ADAMTSL3: variants seen among roughly 807,000 people sequenced by gnomAD.
ADAMTSL3 encodes ADAMTS like 3.
ADAMTSL3 carries 128 observed loss-of-function variants against 201.7 expected under a neutral mutation model. That is an observed-to-expected ratio of 0.63 (90% CI 0.55 to 0.73). The LOEUF is 0.73. Ranked by LOEUF, ADAMTSL3 falls within the 30% of genes least tolerant of loss-of-function variation. ADAMTSL3 has a pLI of 0.00. For missense variants in ADAMTSL3, 1,990 were observed against 2,119.6 expected (o/e 0.94, Z 1.20); for synonymous variants, 738 against 748.4 (o/e 0.99, Z 0.23).
chr15:83,767,198 G>T (rs1054800116), intron 3 of ADAMTSL3, among the ~76,000 whole-genome samples: 1 of 152,200 alleles, frequency 6.6e-6, no homozygotes. Flanking sequence ...TATCTTAAAG[G>T]GCTTGCTGAG....
At chr15:83,823,916 CTT>C (rs1567169458) in intron 6 of ADAMTSL3, among the ~76,000 whole-genome samples, 1 of 88,000 alleles carries the variant, frequency 1.1e-5, no homozygotes, top group African/African-American at 3.8e-5. Context: ...TCTTCTTCTT[CTT>C]CTTCTTCTTC....
intron 26 of ADAMTSL3, among the ~76,000 whole-genome samples, chr15:84,023,757 C>T (rs1010220599): frequency 6.6e-6 from 1 of 152,170 alleles, no homozygotes; most frequent in African/African-American, 2.4e-5. Context: ...ACTTTCATAC[C>T]TAGAAGAGAC....
intron 16 of ADAMTSL3, among the ~76,000 whole-genome samples, chr15:83,921,506 A>G (rs576275380): frequency 1.3e-5 from 2 of 152,252 alleles, no homozygotes; most frequent in African/African-American, 4.8e-5. Context: ...TTCTTACACT[A>G]TGTGTGTATG....
At chr15:83,894,891 CACTT>C (rs1170778168) in intron 13 of ADAMTSL3, among the ~76,000 whole-genome samples, 1 of 152,036 alleles carries the variant, frequency 6.6e-6, no homozygotes, top group African/African-American at 2.4e-5. Context: ...TTTGAATACA[CACTT>C]AGTTCATCGT....
At position 83,870,844 on chromosome 15, in the gene ADAMTSL3, G is replaced by A. The variant is rs866308860; in HGVS notation, c.845G>A (p.Ser282Asn). ...KTLQGSKGEH[S>N]FNSPGVFLVE... ...CTTCAAGGAAGCAAAGGAGAACACA[G>A]CTTTAACAGCCCCGGCGTCTTTCTC... is the stretch of plus-strand genomic sequence containing the variant. Residue 282 changes from serine to asparagine, a missense_variant, in exon 9 of 30, where the codon AGC (serine) becomes AAC (asparagine). Transcript: ENST00000286744. The A allele has an allele frequency of 5.0e-6, 8 of 1,612,302 alleles. No homozygotes were observed. Among genetic ancestry groups the A allele is most frequent in the Non-Finnish European group, 6.8e-6 (8 of 1,179,448 alleles).
At chr15:83,700,282 G>A (rs2061753410) in intron 2 of ADAMTSL3, among the ~76,000 whole-genome samples, 1 of 152,218 alleles carries the variant, frequency 6.6e-6, no homozygotes, top group Non-Finnish European at 1.5e-5. Flanking sequence ...GCCTGCGTCT[G>A]TTCCTCAAAC....
chr15:83,786,922 C>T (rs890918458), intron 4 of ADAMTSL3, among the ~76,000 whole-genome samples: 2 of 152,108 alleles, frequency 1.3e-5, no homozygotes, highest in Non-Finnish European at 2.9e-5. Flanking sequence ...GGGATAATGA[C>T]TTCATCATTC....
At chr15:83,988,373 T>C (rs1349789445) in intron 21 of ADAMTSL3, among the ~76,000 whole-genome samples, 2 of 152,228 alleles carry the variant, frequency 1.3e-5, no homozygotes, top group Non-Finnish European at 2.9e-5. Context: ...TGCTAGGTTG[T>C]CTTTTTTTAA....
At chr15:83,913,536 C>A (rs2065973515) in intron 16 of ADAMTSL3, among the ~76,000 whole-genome samples, 158 bp downstream of exon 16, 1 of 147,574 alleles carries the variant, frequency 6.8e-6, no homozygotes, top group African/African-American at 2.5e-5. Context: ...CTTTTTCTTT[C>A]TTTTTTTTTT....
At chr15:83,918,977 T>A (rs1337034840) in intron 16 of ADAMTSL3, among the ~76,000 whole-genome samples, 1 of 152,022 alleles carries the variant, frequency 6.6e-6, no homozygotes, top group Admixed American at 6.5e-5. Flanking sequence ...GATCTGTCAG[T>A]GGAGTGGGTA....
At position 83,982,647 on chromosome 15, in the gene ADAMTSL3, G is replaced by A; in HGVS notation, c.3019G>A (p.Ala1007Thr). Reference sequence around the variant, plus strand: ...TGACAACCGGCTCATCGCACGCCCAGCCCTCAGGGAGCCTATGAGGGAATA... The same window carrying A: ...TGACAACCGGCTCATCGCACGCCCAACCCTCAGGGAGCCTATGAGGGAATA... ...GTDNRLIARPALREPMREYPG... is the reference protein window; with the variant it reads ...GTDNRLIARPTLREPMREYPG... The change falls in exon 21 of 30, where the codon GCC becomes ACC. Residue 1007 changes from alanine (A) to threonine (T), a missense_variant. Coordinates refer to ENST00000286744, the MANE Select transcript of ADAMTSL3 (RefSeq NM_207517.3). 1.2e-6 allele frequency: 2 copies of A among 1,614,040 alleles called. No individual in the cohort carries two copies. Among genetic ancestry groups the A allele is most frequent in the Admixed American group, 3.3e-5 (2 of 60,008 alleles).
At chr15:83,956,832 C>T (rs2066872177) in intron 19 of ADAMTSL3, among the ~76,000 whole-genome samples, 1 of 152,144 alleles carries the variant, frequency 6.6e-6, no homozygotes, top group Non-Finnish European at 1.5e-5. Context: ...TTTATAAAAG[C>T]TTCTTCTACT....
chr15:83,688,446 A>C (rs950675987), intron 2 of ADAMTSL3, among the ~76,000 whole-genome samples: 2 of 152,218 alleles, frequency 1.3e-5, no homozygotes, highest in Non-Finnish European at 2.9e-5. Flanking sequence ...AGCTGTTACA[A>C]ATATGTTCAA....
intron 2 of ADAMTSL3, 136 bp from the exon 3 acceptor site, chr15:83,704,253 A>G: frequency 7.4e-7 from 1 of 1,355,780 alleles, no homozygotes; most frequent in Non-Finnish European, 1.0e-6. Flanking sequence ...GGTCTTTGCC[A>G]AGAGAGGTCA....
intron 2 of ADAMTSL3, among the ~76,000 whole-genome samples, chr15:83,675,637 A>G (rs2061394555): frequency 6.8e-6 from 1 of 146,154 alleles, no homozygotes; most frequent in Admixed American, 6.8e-5. Flanking sequence ...CTATCTTCAT[A>G]AAATGAGTTG....
intron 23 of ADAMTSL3, among the ~76,000 whole-genome samples, chr15:84,009,470 A>G (rs1022046738): frequency 1.3e-5 from 2 of 152,258 alleles, no homozygotes; most frequent in Admixed American, 1.3e-4. Context: ...TGTGTGATCG[A>G]ATAATATATG....
At chr15:83,833,887 T>A (rs2064209305) in intron 6 of ADAMTSL3, among the ~76,000 whole-genome samples, 1 of 152,194 alleles carries the variant, frequency 6.6e-6, no homozygotes, top group South Asian at 2.1e-4. Flanking sequence ...AAGTTTTGTT[T>A]TGTTTTGTTT....
rs71453219 is a variant in ADAMTSL3 at position 84,019,076 on chromosome 15, TACAC to T, written c.4274-2298_4274-2295del. 3.9e-3 allele frequency among the ~76,000 whole-genome samples: 548 copies of T among 139,202 alleles called. 1 individual carries two copies. Among genetic ancestry groups the T allele is most frequent in the Admixed American group, 7.9e-3 (110 of 13,926 alleles). 91.3% of individuals were successfully genotyped at this position (139,202 alleles called of 152,430 possible). On this transcript the variant is annotated intron_variant, in intron 25 of 29. Coordinates refer to ENST00000286744, the MANE Select transcript of ADAMTSL3 (RefSeq NM_207517.3). The stretch of plus-strand genomic sequence containing the variant: ...ATGAATATCCCCCACCACACACACA[TACAC>T]ACACACACACACACACACACACACA...
In ADAMTSL3 at chr15:83,704,287, A is replaced by G. The variant is rs766269116; in HGVS notation, c.70-102A>G. 338 of 1,533,218 alleles carry G rather than the reference A, an allele frequency of 2.2e-4. 1 individual carries two copies. The highest frequency in any genetic ancestry group is 2.8e-4 in the Non-Finnish European group (320 of 1,125,878). 95.0% of individuals were successfully genotyped at this position (1,533,218 alleles called of 1,614,324 possible). On this transcript the variant is annotated intron_variant, in intron 2 of 29. Coordinates refer to ENST00000286744, the MANE Select transcript of ADAMTSL3 (RefSeq NM_207517.3). ...CACTTCCCTTTTTGTTTCTTGGTAC[A>G]GCTATTAATGGTGGATTCTCCTGGA...
Sources: allele counts gnomAD v4.1 joint callset (sites outside exome capture counted in the v4.1 genomes callset), GRCh38; gene constraint gnomAD v4.1.1; transcripts MANE v1.5; gene names NCBI Gene and HGNC (gene_info 2026-07-23, HGNC 2026-07-21).